Variants in ROCK2 observed in about 807,000 individuals in gnomAD.
The protein encoded by ROCK2 is Rho associated coiled-coil containing protein kinase 2.
A neutral mutation model predicts 195.1 loss-of-function variants in ROCK2; 61 were observed. The ratio of observed to expected loss-of-function variants is 0.31; its 90% CI spans 0.25 to 0.39. ROCK2 has a LOEUF of 0.39. Among genes scored for constraint, ROCK2 ranks in the 10% least tolerant of loss-of-function variants. The pLI is 1.00. For synonymous variants in ROCK2, 504 were observed against 545.5 expected (o/e 0.92, Z 1.06); for missense variants, 1,109 against 1,637.4 (o/e 0.68, Z 5.57).
intron 3 of ROCK2, among the ~76,000 whole-genome samples, chr2:11,262,349 C>T (rs1450502261): frequency 6.6e-6 from 1 of 152,062 alleles, no homozygotes. Context: ...TTTATTTGTA[C>T]TTTCTGAAGC....
chr2:11,247,124 T>C (rs916209675), intron 4 of ROCK2, among the ~76,000 whole-genome samples: 8 of 152,038 alleles, frequency 5.3e-5, no homozygotes, highest in Admixed American at 1.3e-4. Context: ...ACATGTTGTG[T>C]GATTGATTTA....
intron 1 of ROCK2, among the ~76,000 whole-genome samples, chr2:11,289,814 T>C (rs1358233928): frequency 6.6e-6 from 1 of 152,206 alleles, no homozygotes; most frequent in Admixed American, 6.5e-5. Context: ...GGAAAGTTTA[T>C]AAATATTTTC....
chr2:11,308,764 T>C, intron 1 of ROCK2: 1 of 1,612,576 alleles, frequency 6.2e-7, no homozygotes, highest in Admixed American at 1.7e-5. Flanking sequence ...ACTACAAGCC[T>C]AAAAAAAGGT....
At chr2:11,207,577 C>T in intron 20 of ROCK2, 149 bp downstream of exon 20, 1 of 490,616 alleles carries the variant, frequency 2.0e-6, no homozygotes. Context: ...CGAAGGACAA[C>T]AGTGACACTC....
chr2:11,321,441 C>T (rs1048681111), intron 1 of ROCK2, among the ~76,000 whole-genome samples: 13 of 151,450 alleles, frequency 8.6e-5, no homozygotes, highest in African/African-American at 2.2e-4. Flanking sequence ...CTCCCAAGTG[C>T]TGGGATTACA....
At chr2:11,195,510 GTTTTA>G (rs764719829) in intron 27 of ROCK2, among the ~76,000 whole-genome samples, 170 of 152,116 alleles carry the variant, frequency 1.1e-3, no homozygotes, top group African/African-American at 3.8e-3. Flanking sequence ...TGTAAATTTT[GTTTTA>G]TTTTATTTCT....
rs1665169802 is a variant in ROCK2 at position 11,235,454 on chromosome 2, A to G, written c.723+248T>C. On this transcript the variant is annotated intron_variant, in intron 5 of 32. Coordinates refer to ENST00000315872, the MANE Select transcript of ROCK2 (RefSeq NM_004850.5). This position sits in a 1 kb window ranked among gnomAD's most constrained non-coding sequence, Gnocchi z 4.2. ...GGTAGCAAATGCTTGTCAACAGTCT[A>G]TGAGGAAGATAACTAAGCTAAGTTT... Among the ~76,000 whole-genome samples the G allele has an allele frequency of 6.6e-6, 1 of 152,186 alleles. No homozygotes were observed. Among genetic ancestry groups the G allele is most frequent in the African/African-American group, 2.4e-5 (1 of 41,448 alleles).
intron 17 of ROCK2, 149 bp downstream of exon 17, chr2:11,214,208 C>T (rs1664345333): frequency 5.2e-6 from 3 of 577,592 alleles, no homozygotes; most frequent in African/African-American, 3.8e-5. Flanking sequence ...GCAGATACAT[C>T]TCTTATCTAC....
chr2:11,330,728 GGAAGAT>G (rs1280334610), intron 1 of ROCK2, among the ~76,000 whole-genome samples: 2 of 111,252 alleles, frequency 1.8e-5, no homozygotes, highest in South Asian at 4.3e-4. Context: ...AAGGGAGGAG[GGAAGAT>G]GAGGAGGGAG....
At chr2:11,224,516 T>G in intron 6 of ROCK2, 56 bp from the exon 7 acceptor site, 1 of 1,469,190 alleles carries the variant, frequency 6.8e-7, no homozygotes, top group Non-Finnish European at 9.4e-7. Flanking sequence ...AGGAAACACT[T>G]TTCACCTAGT....
At chr2:11,195,658 G>A (rs2148035165) in intron 27 of ROCK2, among the ~76,000 whole-genome samples, 1 of 152,208 alleles carries the variant, frequency 6.6e-6, no homozygotes, top group Non-Finnish European at 1.5e-5. Flanking sequence ...GGGATTACAG[G>A]CACGCGCCAG....
At chr2:11,188,142 G>A (rs973784949) in intron 32 of ROCK2, among the ~76,000 whole-genome samples, 6 of 128,054 alleles carry the variant, frequency 4.7e-5, no homozygotes, top group African/African-American at 1.8e-4. Context: ...ACGGAGTCTC[G>A]CTCTGTTGCC....
chr2:11,291,145 A>G (rs921104821), intron 1 of ROCK2, among the ~76,000 whole-genome samples: 1 of 152,198 alleles, frequency 6.6e-6, no homozygotes, highest in African/African-American at 2.4e-5. Flanking sequence ...ATATACATAA[A>G]ATGGTCTATT....
Position 11,180,329 on chromosome 2 carries a change from G to C in ROCK2, c.*3108C>G, listed in dbSNP as rs1037624040. The C allele has an allele frequency of 6.6e-6, 1 of 152,070 alleles. No homozygotes were observed. Among genetic ancestry groups the C allele is most frequent in the Admixed American group, 6.6e-5 (1 of 15,260 alleles). The allele number at this position is 152,070 out of a possible 1,614,324, so 9.4% of individuals were successfully genotyped here. On this transcript the variant is annotated 3_prime_UTR_variant, in exon 33 of 33. Coordinates refer to ENST00000315872, the MANE Select transcript of ROCK2 (RefSeq NM_004850.5). ...TTCTGTTTAAGATCTATATATAAAT[G>C]GATGCAAAATAGATACTTTAGAGCC...
At chr2:11,234,653 T>C (rs1029937210) in intron 5 of ROCK2, 9 of 152,038 alleles carry the variant, frequency 5.9e-5, no homozygotes, top group African/African-American at 1.9e-4. Context: ...TAGATTAAGA[T>C]AGACAAAAAT....
At chr2:11,298,639 T>C (rs1310607700) in intron 1 of ROCK2, among the ~76,000 whole-genome samples, 1 of 152,142 alleles carries the variant, frequency 6.6e-6, no homozygotes, top group African/African-American at 2.4e-5. Context: ...TACATTTCAA[T>C]GAAAACTTTT....
At chr2:11,277,575 A>G (rs888472376) in intron 3 of ROCK2, among the ~76,000 whole-genome samples, 1 of 152,304 alleles carries the variant, frequency 6.6e-6, no homozygotes, top group East Asian at 1.9e-4. Flanking sequence ...GTGAGAACAT[A>G]CGATATTTGG....
At chr2:11,260,315 G>A (rs990196862) in intron 3 of ROCK2, among the ~76,000 whole-genome samples, 1 of 151,940 alleles carries the variant, frequency 6.6e-6, no homozygotes, top group Non-Finnish European at 1.5e-5. Context: ...GGGTGTGGTG[G>A]CAGGTGCCTG....
chr2:11,233,800 C>T (rs959564841), intron 5 of ROCK2, among the ~76,000 whole-genome samples: 6 of 152,044 alleles, frequency 3.9e-5, no homozygotes, highest in South Asian at 4.1e-4. Context: ...TCTGCAAAAA[C>T]GTATGGTGAA....
Sources: allele counts gnomAD v4.1 joint callset (sites outside exome capture counted in the v4.1 genomes callset), GRCh38; gene constraint gnomAD v4.1.1; non-coding constraint Gnocchi (gnomAD v3.1); transcripts MANE v1.5; gene names NCBI Gene and HGNC (gene_info 2026-07-23, HGNC 2026-07-21).